Variants in ZNF83 observed in about 807,000 individuals in gnomAD.
The protein encoded by ZNF83 is zinc finger protein 816B.
For missense variants in ZNF83, 552 were observed against 629.9 expected (o/e 0.88, Z 1.32); for synonymous variants, 209 against 213.0 (o/e 0.98, Z 0.17).
chr19:52,645,805 C>CG (rs577937471), intron 3 of ZNF83, among the ~76,000 whole-genome samples: 1 of 148,490 alleles, frequency 6.7e-6, no homozygotes, highest in Admixed American at 6.7e-5. Context: ...AGATTCTGCC[C>CG]CCCCCCAAAA....
chr19:52,636,794 T>C (rs2061161144), intron 1 of ZNF83: 1 of 151,648 alleles, frequency 6.6e-6, no homozygotes, highest in Non-Finnish European at 1.5e-5. Context: ...TAGCTGGGAT[T>C]ACAGGTGCAC....
chr19:52,639,424 T>TTTTTC (rs2061261487), upstream of ZNF83, among the ~76,000 whole-genome samples: 1 of 142,700 alleles, frequency 7.0e-6, no homozygotes, highest in Admixed American at 7.2e-5. Flanking sequence ...TATTTTTTTT[T>TTTTTC]TTTTTTTTTT....
chr19:52,656,162 G>C (rs1282760749), intron 2 of ZNF83, among the ~76,000 whole-genome samples: 1 of 152,094 alleles, frequency 6.6e-6, no homozygotes, highest in Non-Finnish European at 1.5e-5. Context: ...GCGGTGAGCT[G>C]AGATTGTGCC....
At position 52,655,526 on chromosome 19, in the gene ZNF83, C is replaced by T. The variant is rs986909044; in HGVS notation, c.-74+35G>A. 2.8e-6 allele frequency: 4 copies of T among 1,448,062 alleles called. No individual in the cohort carries two copies. The Admixed American group carries it at 7.3e-5, about 26-fold the overall frequency. The allele number at this position is 1,448,062 out of a possible 1,614,324, so 89.7% of individuals were successfully genotyped here. A position where few individuals can be genotyped will look rare whatever the true frequency, so the allele number is the denominator to read the frequency against. On this transcript the variant is annotated intron_variant, in intron 3 of 5. Transcript: ENST00000594682. ...CAGGAAGAGCCAAGATAGACAAGGG[C>T]AGATTCCTCACATCAGGAGGGACAT...
intron 2 of ZNF83, among the ~76,000 whole-genome samples, chr19:52,623,563 C>T (rs1462713934): frequency 3.3e-5 from 5 of 152,222 alleles, no homozygotes; most frequent in South Asian, 2.1e-4. Context: ...GGACTACAGC[C>T]ACATCTCATT....
At chr19:52,628,847 C>G (rs74340495) in intron 2 of ZNF83, among the ~76,000 whole-genome samples, 2,145 of 151,788 alleles carry the variant, frequency 0.014, 52 homozygotes, top group African/African-American at 0.047. Flanking sequence ...TTCCATGCCC[C>G]AACCTCATAT....
intron 1 of ZNF83, among the ~76,000 whole-genome samples, chr19:52,688,455 T>C (rs897645592): frequency 2.6e-5 from 4 of 152,030 alleles, no homozygotes; most frequent in Non-Finnish European, 5.9e-5. Context: ...ATTACAGGCA[T>C]GAACCACTGT....
At chr19:52,630,755 G>A (rs1373240786) in intron 2 of ZNF83, among the ~76,000 whole-genome samples, 6 of 151,830 alleles carry the variant, frequency 4.0e-5, no homozygotes, top group Admixed American at 2.0e-4. Context: ...CCCACTCAAC[G>A]CCAGTATCCC....
intron 2 of ZNF83, among the ~76,000 whole-genome samples, chr19:52,658,682 C>G (rs2061538786): frequency 6.6e-6 from 1 of 152,112 alleles, no homozygotes; most frequent in African/African-American, 2.4e-5. Context: ...CTGAAGGCAC[C>G]CGGTTCTTAC....
At chr19:52,621,699 G>A (rs181005736) in intron 2 of ZNF83, among the ~76,000 whole-genome samples, 225 of 152,188 alleles carry the variant, frequency 1.5e-3, no homozygotes, top group African/African-American at 5.3e-3. Flanking sequence ...TTAAAAACTT[G>A]AAACCTCTTC....
chr19:52,642,241 T>C (rs571404800), upstream of ZNF83, among the ~76,000 whole-genome samples: 9 of 146,988 alleles, frequency 6.1e-5, no homozygotes, highest in South Asian at 2.0e-3. Flanking sequence ...GGCTTCCAGT[T>C]TGTGAGGGGA....
chr19:52,623,107 C>A (rs949663051), intron 2 of ZNF83, among the ~76,000 whole-genome samples: 5 of 152,330 alleles, frequency 3.3e-5, no homozygotes, highest in African/African-American at 1.2e-4. Context: ...TGTGCAGGGA[C>A]CCATGGAAAT....
intron 1 of ZNF83, among the ~76,000 whole-genome samples, chr19:52,681,180 G>C (rs1042317780): frequency 6.7e-6 from 1 of 148,250 alleles, no homozygotes; most frequent in East Asian, 2.1e-4. Flanking sequence ...AGCTACACAG[G>C]AAGCTGAGGT....
chr19:52,652,432 C>G, intron 3 of ZNF83: 1 of 385,720 alleles, frequency 2.6e-6, no homozygotes, highest in Non-Finnish European at 5.1e-6. Context: ...AAGACTTCAT[C>G]TGAAAAAAGA....
intron 1 of ZNF83, among the ~76,000 whole-genome samples, chr19:52,671,891 T>C (rs150040703): frequency 6.6e-6 from 1 of 152,314 alleles, no homozygotes; most frequent in East Asian, 1.9e-4. Flanking sequence ...AAGAATACAT[T>C]GCAGTCAAGT....
At chr19:52,623,321 A>G (rs926934551) in intron 2 of ZNF83, among the ~76,000 whole-genome samples, 2 of 152,018 alleles carry the variant, frequency 1.3e-5, no homozygotes, top group Non-Finnish European at 2.9e-5. Context: ...TGTTTAATTG[A>G]TACAGGGGCT....
At chr19:52,688,047 T>C (rs1439221999) in intron 1 of ZNF83, among the ~76,000 whole-genome samples, 2 of 152,078 alleles carry the variant, frequency 1.3e-5, no homozygotes, top group Admixed American at 1.3e-4. Context: ...AATTTTAAAA[T>C]TCTCAATCTC....
At chr19:52,621,346 A>C (rs1198779576) in intron 2 of ZNF83, among the ~76,000 whole-genome samples, 1 of 152,048 alleles carries the variant, frequency 6.6e-6, no homozygotes, top group African/African-American at 2.4e-5. Flanking sequence ...CCCTTCCCTT[A>C]ATTTCAGTTC....
chr19:52,634,901 G>T (rs1441895882), intron 2 of ZNF83, among the ~76,000 whole-genome samples, 165 bp downstream of exon 2: 1 of 152,162 alleles, frequency 6.6e-6, no homozygotes, highest in Non-Finnish European at 1.5e-5. Context: ...GGTCACAAGA[G>T]ATGGAATCTA....
Sources: allele counts gnomAD v4.1 joint callset (sites outside exome capture counted in the v4.1 genomes callset), GRCh38; gene constraint gnomAD v4.1.1; transcripts MANE v1.5; gene names NCBI Gene and HGNC (gene_info 2026-07-23, HGNC 2026-07-21).